The following MDN1 variants were observed in gnomAD, a reference collection of about 807,000 sequenced individuals.
The protein encoded by MDN1 is midasin.
A neutral mutation model predicts 669.2 loss-of-function variants in MDN1; 266 were observed. That is an observed-to-expected ratio of 0.40 (90% confidence interval 0.36 to 0.44). The LOEUF (loss-of-function observed/expected upper bound fraction) is 0.44. Among genes scored for constraint, MDN1 ranks in the 20% least tolerant of loss-of-function variants. The pLI, the probability that MDN1 is intolerant of heterozygous loss-of-function variation, is 1.00. For synonymous variants in MDN1, 2,385 were observed against 2,457.1 expected, an observed-to-expected ratio of 0.97 and a Z score of 0.87; for missense variants, 5,940 against 6,754.0, an observed-to-expected ratio of 0.88 and a Z score of 4.22.
At position 89,673,428 on chromosome 6, in the gene MDN1, A is replaced by T; in HGVS notation, c.13282T>A (p.Cys4428Ser). The T allele has an allele frequency of 6.2e-7, 1 of 1,614,220 alleles. No homozygotes were observed. The highest frequency in any genetic ancestry group is 8.5e-7 in the Non-Finnish European group (1 of 1,180,030). Reference protein sequence around the residue: ...DFEVCSSALSCLSQVSVHLQG... With the variant: ...DFEVCSSALSSLSQVSVHLQG... ...AAATGAACTGACACCTGGGACAAGC[A>T]ACTCAGCGCAGAAGAGCAAACTTCA... is the stretch of plus-strand genomic sequence containing the variant. Residue 4428 changes from cysteine (C) to serine (S), a missense_variant, in exon 80 of 102, where the codon TGC (cysteine) becomes AGC (serine). Physicochemically the swap from Cys to Ser is moderately radical, Grantham distance 112. Transcript: ENST00000369393.
At chr6:89,801,408 T>C (rs1767650423) in intron 2 of MDN1, among the ~76,000 whole-genome samples, 1 of 152,066 alleles carries the variant, frequency 6.6e-6, no homozygotes, top group African/African-American at 2.4e-5. Flanking sequence ...ATCCCAGCAA[T>C]CTGGGAGGTC....
intron 5 of MDN1, among the ~76,000 whole-genome samples, chr6:89,790,926 G>A (rs1024691869): frequency 6.6e-6 from 1 of 152,194 alleles, no homozygotes; most frequent in South Asian, 2.1e-4. Context: ...GGGAAGCTAA[G>A]GCTGAAGAAT....
At chr6:89,671,459 C>A (rs1238191283) in intron 82 of MDN1, among the ~76,000 whole-genome samples, 1 of 152,068 alleles carries the variant, frequency 6.6e-6, no homozygotes, top group Non-Finnish European at 1.5e-5. Context: ...GGCAACATGG[C>A]AAAACCCCAT....
At chr6:89,789,125 C>CA (rs35244860) in intron 7 of MDN1, among the ~76,000 whole-genome samples, 18 of 144,860 alleles carry the variant, frequency 1.2e-4, no homozygotes, top group South Asian at 8.8e-4. Context: ...CTCTGTCTCA[C>CA]AAAAAAAAAA....
chr6:89,774,347 T>A (rs1818249417), intron 13 of MDN1, among the ~76,000 whole-genome samples: 1 of 152,240 alleles, frequency 6.6e-6, no homozygotes, highest in African/African-American at 2.4e-5. Context: ...GACTTCCAAC[T>A]GAGGCATACT....
intron 1 of MDN1, among the ~76,000 whole-genome samples, chr6:89,812,676 T>C (rs935831241): frequency 1.3e-5 from 2 of 152,144 alleles, no homozygotes; most frequent in East Asian, 3.9e-4. Flanking sequence ...TGCTAACTGA[T>C]CAGTTAGCCC....
At chr6:89,754,048 A>T in intron 21 of MDN1, 35 bp downstream of exon 21, 1 of 1,598,216 alleles carries the variant, frequency 6.3e-7, no homozygotes, top group Non-Finnish European at 8.5e-7. Flanking sequence ...CCCATCCATT[A>T]AGCTCATATC....
Position 89,806,227 on chromosome 6 carries a change from T to G in MDN1, c.103-2673A>C, listed in dbSNP as rs539686230. Among the ~76,000 whole-genome samples the G allele has an allele frequency of 1.2e-3, 181 of 152,134 alleles. 1 individual carries two copies. The highest frequency in any genetic ancestry group is 4.2e-3 in the African/African-American group (175 of 41,506). On this transcript the variant is annotated intron_variant, in intron 1 of 101. Transcript: ENST00000369393. ...TGCTGGGATTACAGGTGTGAGCCAC[T>G]GTGCCCGGCCCCATTTTTTAAATAA...
At chr6:89,746,159 A>G (rs778939468) in intron 27 of MDN1, among the ~76,000 whole-genome samples, 3 of 152,214 alleles carry the variant, frequency 2.0e-5, no homozygotes, top group Non-Finnish European at 4.4e-5. Context: ...ACAGAAGTCA[A>G]TTAGTAGTGA....
At chr6:89,819,203 A>C (rs758373503) in intron 1 of MDN1, among the ~76,000 whole-genome samples, 5 of 152,198 alleles carry the variant, frequency 3.3e-5, no homozygotes, top group Non-Finnish European at 5.9e-5. Flanking sequence ...TCAGAAAAAC[A>C]AACCACATTC....
In MDN1 at chr6:89,819,576, G is replaced by A; in HGVS notation, c.32C>T (p.Ala11Val). 1 of 1,602,960 alleles carries A rather than the reference G, an allele frequency of 6.2e-7. No homozygotes were observed. Among genetic ancestry groups the A allele is most frequent in the Non-Finnish European group, 8.5e-7 (1 of 1,179,960 alleles). The part of the protein sequence containing the change: MEHFLLEVAA[A>V]PLRLIAAKNE... ...CTTGGCTGCGATTAACCGCAGCGGC[G>A]CGGCTGCCACCTCCAGCAAGAAGTG... The change falls in exon 1 of 102, where the codon GCG (alanine) becomes GTG (valine). Residue 11 changes from alanine to valine, a missense_variant. Coordinates refer to ENST00000369393, the MANE Select transcript of MDN1 (RefSeq NM_014611.3).
Position 89,685,968 on chromosome 6 carries a change from T to G in MDN1, c.11578A>C (p.Lys3860Gln). Residue 3860 changes from lysine to glutamine, a missense_variant, in exon 70 of 102, where the codon AAA (lysine) becomes CAA (glutamine). Physicochemically the swap from Lys to Gln is moderately conservative, Grantham distance 53. Transcript: ENST00000369393. ...ACCAGCAACATCAAGGTCATCTGTT[T>G]GTCATCTTTAAAAATTCAAAGAGAA... Reference protein sequence around the residue: ...QEQTEEQEDDKQMTLMLLVST... With the variant: ...QEQTEEQEDDQQMTLMLLVST... 1 of 1,608,672 alleles carries G rather than the reference T, an allele frequency of 6.2e-7. No homozygotes were observed. The highest frequency in any genetic ancestry group is 1.1e-5 in the South Asian group (1 of 89,480).
intron 37 of MDN1, 47 bp from the exon 38 acceptor site, chr6:89,725,443 A>G: frequency 1.4e-6 from 2 of 1,475,020 alleles, no homozygotes; most frequent in Non-Finnish European, 1.9e-6. Context: ...ATATTATACA[A>G]CTGCAACAAA....
At chr6:89,813,278 C>G (rs371403710) in intron 1 of MDN1, among the ~76,000 whole-genome samples, 6 of 151,988 alleles carry the variant, frequency 3.9e-5, no homozygotes, top group African/African-American at 1.2e-4. Flanking sequence ...GGCTGGGCGC[C>G]GTGGCTCATG....
At chr6:89,682,002 C>G (rs1811642722) in intron 73 of MDN1, among the ~76,000 whole-genome samples, 1 of 152,188 alleles carries the variant, frequency 6.6e-6, no homozygotes, top group African/African-American at 2.4e-5. Context: ...TCCCCACACC[C>G]AAGGACATGA....
intron 26 of MDN1, 125 bp downstream of exon 26, chr6:89,749,098 A>G (rs1421930776): frequency 1.8e-5 from 17 of 920,166 alleles, no homozygotes; most frequent in South Asian, 2.6e-5. Context: ...TAAAAACAAT[A>G]AAAAATAAAA....
chr6:89,811,553 C>T (rs1235536169), intron 1 of MDN1, among the ~76,000 whole-genome samples: 89 of 151,902 alleles, frequency 5.9e-4, no homozygotes, highest in Admixed American at 5.8e-3. Context: ...TCAACCAATT[C>T]TCCTGCCACA....
At position 89,652,347 on chromosome 6, in the gene MDN1, T is replaced by A. The variant is rs1808938888; in HGVS notation, c.15826-66A>T. ...GAATCACCAACTTAGTATCACTGGG[T>A]GTCTTCCGCCCTACAGTATGAACTC... On this transcript the variant is annotated intron_variant, in intron 94 of 101. Coordinates refer to ENST00000369393, the MANE Select transcript of MDN1 (RefSeq NM_014611.3). The A allele has an allele frequency of 2.5e-6, 3 of 1,212,510 alleles. No individual in the cohort carries two copies. In the South Asian group the frequency reaches 3.7e-5, roughly 15 times the overall value. 75.1% of individuals were successfully genotyped at this position (1,212,510 alleles called of 1,614,324 possible). A position where few individuals can be genotyped will look rare whatever the true frequency, so the allele number is the denominator to read the frequency against.
chr6:89,781,703 T>TTCTCTA, intron 9 of MDN1, 111 bp from the exon 10 acceptor site: 2 of 927,286 alleles, frequency 2.2e-6, no homozygotes, highest in South Asian at 3.5e-5. Flanking sequence ...TCTATGAAAT[T>TTCTCTA]TGTTCACTGG....
Sources: allele counts gnomAD v4.1 joint callset (sites outside exome capture counted in the v4.1 genomes callset), GRCh38; gene constraint gnomAD v4.1.1; transcripts MANE v1.5; gene names NCBI Gene and HGNC (gene_info 2026-07-23, HGNC 2026-07-21).